ZFP1: variants seen among roughly 807,000 people sequenced by gnomAD.
ZFP1 encodes ZFP1 zinc finger protein.
Under a neutral mutation model 38.5 loss-of-function variants are expected in ZFP1, and 32 were observed. The ratio of observed to expected loss-of-function variants is 0.83; its 90% CI spans 0.63 to 1.12. The LOEUF is 1.12. ZFP1 is among the 50% of genes most tolerant of loss of function. ZFP1 has a pLI of 0.00. For synonymous variants in ZFP1, 245 were observed against 168.8 expected, an observed-to-expected ratio of 1.45 and a Z score of -3.50; for missense variants, 616 against 480.8, an observed-to-expected ratio of 1.28 and a Z score of -2.63.
chr16:75,158,851 C>T (rs974091831), intron 2 of ZFP1, among the ~76,000 whole-genome samples: 1 of 150,672 alleles, frequency 6.6e-6, no homozygotes, highest in Non-Finnish European at 1.5e-5. Context: ...TATATAGGTA[C>T]TGTCTACATC....
At chr16:75,143,747 G>T (rs1229507090), upstream of ZFP1, among the ~76,000 whole-genome samples, 1 of 148,372 alleles carries the variant, frequency 6.7e-6, no homozygotes, top group East Asian at 2.1e-4. Context: ...AACCTCCTGG[G>T]CTCAAGTGAA....
the ZFP1 span, among the ~76,000 whole-genome samples, chr16:75,126,543 A>G: frequency 6.6e-6 from 1 of 152,184 alleles, no homozygotes; most frequent in South Asian, 2.1e-4. Flanking sequence ...GGCTAGGATT[A>G]CAGGCATGCG....
the ZFP1 span, among the ~76,000 whole-genome samples, chr16:75,135,593 G>A: frequency 6.6e-6 from 1 of 152,288 alleles, no homozygotes; most frequent in East Asian, 1.9e-4. Flanking sequence ...GGGCAACAGA[G>A]TGAGACCCTG....
chr16:75,136,272 C>A, the ZFP1 span, among the ~76,000 whole-genome samples: 3 of 152,170 alleles, frequency 2.0e-5, no homozygotes, highest in Non-Finnish European at 4.4e-5. Context: ...AACTTTGGAA[C>A]TGAATGGAAT....
chr16:75,145,763 C>A (rs2036936242), upstream of ZFP1, among the ~76,000 whole-genome samples: 1 of 152,142 alleles, frequency 6.6e-6, no homozygotes, highest in Non-Finnish European at 1.5e-5. Context: ...CTGCTGAGAG[C>A]CACCTCCCTC....
In ZFP1 at chr16:75,171,023, A is replaced by C. The variant is rs1345053349; in HGVS notation, c.*689A>C. On this transcript the variant is annotated 3_prime_UTR_variant, in exon 4 of 4. Coordinates refer to ENST00000570010, the MANE Select transcript of ZFP1 (RefSeq NM_153688.4). ...AGAAGCACTATTTACACAAATATGC[A>C]AATGTGAAATAACCGATCTATAACG... The C allele has an allele frequency of 5.4e-5, 1 of 18,388 alleles. No individual in the cohort carries two copies. 1.1% of individuals were successfully genotyped at this position (18,388 alleles called of 1,614,324 possible).
chr16:75,170,405 G>T lies in ZFP1; in HGVS notation c.*71G>T. The T allele has an allele frequency of 1.4e-6, 2 of 1,479,630 alleles. No homozygotes were observed. The highest frequency in any genetic ancestry group is 1.8e-6 in the Non-Finnish European group (2 of 1,114,504). The allele number at this position is 1,479,630 out of a possible 1,614,324, so 91.7% of individuals were successfully genotyped here. On this transcript the variant is annotated 3_prime_UTR_variant, in exon 4 of 4. Coordinates refer to ENST00000570010, the MANE Select transcript of ZFP1 (RefSeq NM_153688.4). The stretch of plus-strand genomic sequence containing the variant: ...CAAGCGGGTGAAAAACCTCATGACA[G>T]TATTGAGGGAACATGGGAATTCATA...
chr16:75,152,974 GT>G lies in ZFP1; in HGVS notation c.15+11del, dbSNP rs1294442597. On this transcript the variant is annotated intron_variant, in intron 2 of 3. Transcript: ENST00000570010. ...AAAATGAACAAATCCCAGGTGAGTT[GT>G]TTGTTTATTCCCCATTTTGCTTTTC... is the stretch of plus-strand genomic sequence containing the variant. 1 of 1,613,344 alleles carries G rather than the reference GT, an allele frequency of 6.2e-7. No individual in the cohort carries two copies. Among genetic ancestry groups the G allele is most frequent in the African/African-American group, 1.3e-5 (1 of 74,888 alleles).
At chr16:75,134,788 T>C in the ZFP1 span, among the ~76,000 whole-genome samples, 2 of 150,214 alleles carry the variant, frequency 1.3e-5, no homozygotes, top group Non-Finnish European at 3.0e-5. Flanking sequence ...CTGGGCGTGG[T>C]GGTTCATGCC....
At chr16:75,134,283 T>A in the ZFP1 span, among the ~76,000 whole-genome samples, 1 of 152,352 alleles carries the variant, frequency 6.6e-6, no homozygotes, top group Non-Finnish European at 1.5e-5. Flanking sequence ...AAAATTTTTT[T>A]AATTCTAATT....
chr16:75,157,244 CTTTTTTTTTTT>C (rs34937264), intron 2 of ZFP1: 1 of 112,772 alleles, frequency 8.9e-6, no homozygotes, highest in Non-Finnish European at 1.7e-5. Flanking sequence ...CTGAAAATGT[CTTTTTTTTTTT>C]TTTTTTTTTG....
At chr16:75,160,831 A>G (rs140186572) in intron 2 of ZFP1, among the ~76,000 whole-genome samples, 1 of 152,216 alleles carries the variant, frequency 6.6e-6, no homozygotes, top group African/African-American at 2.4e-5. Flanking sequence ...GCAAAAGGGC[A>G]AAAAAGGAGA....
At chr16:75,140,803 CA>C in the ZFP1 span, among the ~76,000 whole-genome samples, 3 of 152,210 alleles carry the variant, frequency 2.0e-5, no homozygotes, top group Middle Eastern at 6.8e-3. Context: ...ACTAAAAATA[CA>C]AAAAATTAGC....
At chr16:75,137,896 C>G in the ZFP1 span, among the ~76,000 whole-genome samples, 1 of 151,668 alleles carries the variant, frequency 6.6e-6, no homozygotes, top group African/African-American at 2.4e-5. Flanking sequence ...GATTCTGTGT[C>G]CAAATAAATA....
chr16:75,143,778 A>G (rs1412175993), upstream of ZFP1, among the ~76,000 whole-genome samples: 2 of 150,342 alleles, frequency 1.3e-5, no homozygotes, highest in Non-Finnish European at 2.9e-5. Flanking sequence ...CAGCTTCCAG[A>G]GTAGCTGGAA....
At chr16:75,156,098 T>C (rs776482475) in intron 2 of ZFP1, among the ~76,000 whole-genome samples, 15 of 152,284 alleles carry the variant, frequency 9.9e-5, no homozygotes, top group South Asian at 2.1e-4. Flanking sequence ...ACAGCCTTAC[T>C]GGGAGCAATG....
the ZFP1 span, among the ~76,000 whole-genome samples, chr16:75,119,858 CAT>C: frequency 6.6e-6 from 1 of 151,568 alleles, no homozygotes; most frequent in Admixed American, 6.6e-5. Flanking sequence ...CACACACACA[CAT>C]ACACAAAGGA....
chr16:75,150,241 C>T (rs1284072852), intron 1 of ZFP1, among the ~76,000 whole-genome samples: 1 of 139,842 alleles, frequency 7.2e-6, no homozygotes, highest in African/African-American at 2.7e-5. Flanking sequence ...CAGAGTCTCG[C>T]TCTGTTGCCC....
At chr16:75,120,038 A>G in the ZFP1 span, among the ~76,000 whole-genome samples, 1 of 152,260 alleles carries the variant, frequency 6.6e-6, no homozygotes, top group Non-Finnish European at 1.5e-5. Context: ...AATTTGTCCT[A>G]GCTGAAATAT....
Sources: allele counts gnomAD v4.1 joint callset (sites outside exome capture counted in the v4.1 genomes callset), GRCh38; gene constraint gnomAD v4.1.1; transcripts MANE v1.5; gene names NCBI Gene and HGNC (gene_info 2026-07-23, HGNC 2026-07-21).